The following ASXL3 variants were observed in gnomAD, a reference collection of about 807,000 sequenced individuals.
The protein encoded by ASXL3 is putative Polycomb group protein ASXL3.
ASXL3 carries 34 observed loss-of-function variants against 170.6 expected under a neutral mutation model. That is an observed-to-expected ratio of 0.20 (90% CI 0.15 to 0.27). The LOEUF (loss-of-function observed/expected upper bound fraction) is 0.27, where lower values mean the gene tolerates loss of function less well. Ranked by LOEUF, ASXL3 falls within the 10% of genes least tolerant of loss-of-function variation. ASXL3 has a pLI of 1.00. For synonymous variants in ASXL3, 1,002 were observed against 989.1 expected, an observed-to-expected ratio of 1.01 and a Z score of -0.24; for missense variants, 2,592 against 2,695.3, an observed-to-expected ratio of 0.96 and a Z score of 0.85.
At chr18:33,663,689 G>T (rs2066213742) in intron 5 of ASXL3, among the ~76,000 whole-genome samples, 1 of 152,002 alleles carries the variant, frequency 6.6e-6, no homozygotes, top group Non-Finnish European at 1.5e-5. Context: ...TCAATATGTA[G>T]CAAATATGCT....
chr18:33,703,305 A>G (rs1268686972), intron 8 of ASXL3, among the ~76,000 whole-genome samples: 1 of 152,104 alleles, frequency 6.6e-6, no homozygotes, highest in Non-Finnish European at 1.5e-5. Flanking sequence ...CCTGGACAAA[A>G]TCTAGAGTCT....
intron 2 of ASXL3, among the ~76,000 whole-genome samples, chr18:33,639,647 C>T (rs1349445976): frequency 2.6e-5 from 4 of 152,034 alleles, no homozygotes; most frequent in Non-Finnish European, 5.9e-5. Flanking sequence ...AAACTTTTGT[C>T]CTTGTATTAA....
intron 1 of ASXL3, among the ~76,000 whole-genome samples, chr18:33,596,631 A>G (rs1317079895): frequency 6.6e-6 from 1 of 152,202 alleles, no homozygotes; most frequent in Non-Finnish European, 1.5e-5. Context: ...ATAACATTGA[A>G]TAATTTTTCT....
At chr18:33,686,084 C>T (rs947660668) in intron 8 of ASXL3, among the ~76,000 whole-genome samples, 3 of 152,214 alleles carry the variant, frequency 2.0e-5, no homozygotes, top group Non-Finnish European at 2.9e-5. Context: ...TCTTCAACCT[C>T]TAGCAGTTTG....
At chr18:33,656,941 A>T (rs1391105836) in intron 4 of ASXL3, among the ~76,000 whole-genome samples, 11 of 152,154 alleles carry the variant, frequency 7.2e-5, no homozygotes, top group Non-Finnish European at 1.5e-4. Context: ...AAAATTTTTG[A>T]ATTTGATACT....
chr18:33,739,322 T>C lies in ASXL3; in HGVS notation c.1918T>C (p.Cys640Arg), dbSNP rs761433001. 7 of 1,613,552 alleles carry C rather than the reference T, an allele frequency of 4.3e-6. No homozygotes were observed. The highest frequency in any genetic ancestry group is 5.9e-6 in the Non-Finnish European group (7 of 1,179,662). The part of the protein sequence containing the change: ...GETQSTSEES[C>R]TPASLETTFC... ...AACACAGTCCACATCAGAAGAATCA[T>C]GTACTCCAGCCTCCCTTGAGACAAC... is the stretch of plus-strand genomic sequence containing the variant. Residue 640 changes from cysteine (C) to arginine (R), a missense_variant, in exon 11 of 12, where the codon TGT (cysteine) becomes CGT (arginine). Transcript: ENST00000269197.
intron 8 of ASXL3, among the ~76,000 whole-genome samples, chr18:33,715,482 C>T (rs2067149329): frequency 6.6e-6 from 1 of 152,152 alleles, no homozygotes; most frequent in African/African-American, 2.4e-5. Flanking sequence ...ACACATTCAG[C>T]TTAGCCTTCT....
intron 2 of ASXL3, among the ~76,000 whole-genome samples, chr18:33,616,880 G>A (rs1472439406): frequency 6.6e-6 from 1 of 152,032 alleles, no homozygotes; most frequent in Non-Finnish European, 1.5e-5. Flanking sequence ...CCCATCCTTA[G>A]GACCTCATTT....
rs1599565884 is a variant in ASXL3, at chr18:33,739,988, A to C, written c.2584A>C (p.Lys862Gln). ...IPELASTEMI[K>Q]VKNHSVLQRT... Reference sequence around the variant, plus strand: ...AGAACTTGCTTCTACTGAAATGATAAAAGTTAAAAATCATAGCGTCCTGCA... The same window carrying C: ...AGAACTTGCTTCTACTGAAATGATACAAGTTAAAAATCATAGCGTCCTGCA... Residue 862 changes from lysine (K) to glutamine (Q), a missense_variant, in exon 11 of 12, where the codon AAA becomes CAA. By Grantham distance (53) the Lys-to-Gln change is moderately conservative. Transcript: ENST00000269197. 6.8e-6 allele frequency: 11 copies of C among 1,613,942 alleles called. No homozygotes were observed. The highest frequency in any genetic ancestry group is 9.3e-6 in the Non-Finnish European group (11 of 1,179,858).
chr18:33,729,277 A>G (rs1353828307), intron 8 of ASXL3, among the ~76,000 whole-genome samples: 1 of 152,192 alleles, frequency 6.6e-6, no homozygotes, highest in Non-Finnish European at 1.5e-5. Context: ...ACAGGAGGAC[A>G]GCAGGAGAGT....
chr18:33,691,559 A>T (rs1165524462), intron 8 of ASXL3, among the ~76,000 whole-genome samples: 2 of 152,188 alleles, frequency 1.3e-5, no homozygotes, highest in Non-Finnish European at 2.9e-5. Context: ...TTTAATGCCT[A>T]CAATTCACCA....
intron 2 of ASXL3, among the ~76,000 whole-genome samples, chr18:33,609,516 TC>T (rs2065302134): frequency 6.6e-6 from 1 of 152,010 alleles, no homozygotes; most frequent in African/African-American, 2.4e-5. Context: ...TTCAATTTTT[TC>T]AAAATGCTGG....
At chr18:33,708,421 A>G (rs2067000705) in intron 8 of ASXL3, among the ~76,000 whole-genome samples, 1 of 152,206 alleles carries the variant, frequency 6.6e-6, no homozygotes, top group African/African-American at 2.4e-5. Context: ...AAACACACTC[A>G]ATGGAACCAT....
At chr18:33,598,035 A>T (rs927985968) in intron 1 of ASXL3, among the ~76,000 whole-genome samples, 1 of 152,112 alleles carries the variant, frequency 6.6e-6, no homozygotes, top group Non-Finnish European at 1.5e-5. Flanking sequence ...TCCTGCAGGG[A>T]ATGCTGGGTA....
chr18:33,738,395 T>C, intron 10 of ASXL3, 92 bp from the exon 11 acceptor site: 1 of 1,255,698 alleles, frequency 8.0e-7, no homozygotes, highest in Non-Finnish European at 1.1e-6. Context: ...TTGATGCATT[T>C]ACTTCTATTG....
At position 33,743,281 on chromosome 18, in the gene ASXL3, T is replaced by C. The variant is rs2067698081; in HGVS notation, c.3433T>C (p.Ser1145Pro). ...SKEGPPNLEV[S>P]STPETKMEGS... Reference sequence around the variant, plus strand: ...GGAAGGGCCTCCAAACTTAGAAGTCTCTTCTACCCCTGAAACAAAAATGGA... The same window carrying C: ...GGAAGGGCCTCCAAACTTAGAAGTCCCTTCTACCCCTGAAACAAAAATGGA... The change falls in exon 12 of 12, where the codon TCT becomes CCT. Residue 1145 changes from serine to proline, a missense_variant. Transcript: ENST00000269197. 5.0e-6 allele frequency: 8 copies of C among 1,613,896 alleles called. No individual in the cohort carries two copies. The highest frequency in any genetic ancestry group is 6.8e-6 in the Non-Finnish European group (8 of 1,179,828).
chr18:33,611,286 A>G (rs1375209282), intron 2 of ASXL3, among the ~76,000 whole-genome samples: 3 of 152,124 alleles, frequency 2.0e-5, no homozygotes, highest in African/African-American at 4.8e-5. Flanking sequence ...TGAATATAAT[A>G]AATTGTCAGA....
At chr18:33,643,741 A>G (rs1264901693) in intron 2 of ASXL3, among the ~76,000 whole-genome samples, 1 of 151,854 alleles carries the variant, frequency 6.6e-6, no homozygotes, top group Non-Finnish European at 1.5e-5. Flanking sequence ...AATTAGGAGC[A>G]AAATTATGTC....
At chr18:33,583,132 T>C (rs1338800991) in intron 1 of ASXL3, among the ~76,000 whole-genome samples, 2 of 152,164 alleles carry the variant, frequency 1.3e-5, no homozygotes, top group African/African-American at 2.4e-5. Flanking sequence ...GTCTTTGTAT[T>C]TGGGAAATAA....
Sources: gnomAD v4.1 joint callset for allele counts (sites outside exome capture counted in the v4.1 genomes callset) on GRCh38, gnomAD v4.1.1 for gene constraint, MANE v1.5 for transcripts, NCBI Gene and HGNC (gene_info 2026-07-23, HGNC 2026-07-21) for gene names.